The following SRF variants were observed in gnomAD, a reference collection of about 807,000 sequenced individuals.
The protein encoded by SRF is c-fos serum response element-binding transcription factor.
In SRF, 7 loss-of-function variants were observed where a neutral mutation model predicts 37.1. The observed-to-expected ratio is 0.19, with a 90% confidence interval of 0.11 to 0.35. SRF has a LOEUF of 0.35. Among genes scored for constraint, SRF ranks in the 10% least tolerant of loss-of-function variants. The probability of loss-of-function intolerance (pLI) is 1.00; values close to 1 mark genes in which losing one functional copy is unlikely to be tolerated. For missense variants in SRF, 395 were observed against 694.4 expected (o/e 0.57, Z 4.85); for synonymous variants, 285 against 310.1 (o/e 0.92, Z 0.85).
Position 43,178,419 on chromosome 6 carries a change from G to C in SRF, c.1288G>C (p.Val430Leu), listed in dbSNP as rs374097824. 6.2e-7 allele frequency: 1 copy of C among 1,614,094 alleles called. No individual in the cohort carries two copies. Among genetic ancestry groups the C allele is most frequent in the Non-Finnish European group, 8.5e-7 (1 of 1,180,036 alleles). Residue 430 changes from valine to leucine, a missense_variant, in exon 5 of 7, where the codon GTG (valine) becomes CTG (leucine). Physicochemically the swap from Val to Leu is conservative, Grantham distance 32 (BLOSUM62 1). This residue lies in a region of SRF where 232 missense variants were observed against 335.6 expected (regional missense o/e 0.69). Coordinates refer to ENST00000265354, the MANE Select transcript of SRF (RefSeq NM_003131.4). The surrounding 1 kb of genome is among the most constrained non-coding windows in gnomAD (Gnocchi z 4.3). ...GGGCCTGGGTGATGGCAGCCTCACC[G>C]TGCTGAATGCCTTCTCCCAGGCACC... ...TSGLGDGSLT[V>L]LNAFSQAPST...
rs760201969 is a variant in SRF, at chr6:43,174,103, G to C, written c.770G>C (p.Gly257Ala). 10 of 1,614,114 alleles carry C rather than the reference G, an allele frequency of 6.2e-6. No homozygotes were observed. In the East Asian group the frequency reaches 2.2e-4, roughly 36 times the overall value. The change falls in exon 2 of 7, where the codon GGG (glycine) becomes GCG (alanine). Residue 257 changes from glycine (G) to alanine (A), a missense_variant. Gly to Ala is a moderately conservative substitution (Grantham distance 60). Transcript: ENST00000265354. ...CAGGTGTCGGAGTCTGACAGCAGTG[G>C]GGAGACCAAGGTGTGTTTGGGTTGC... Reference protein sequence around the residue: ...TYQVSESDSSGETKDTLKPAF... With the variant: ...TYQVSESDSSAETKDTLKPAF...
chr6:43,181,206 T>C lies in SRF; in HGVS notation c.*2016T>C, dbSNP rs1772329146. 6.6e-6 allele frequency: 1 copy of C among 152,656 alleles called. No individual in the cohort carries two copies. The highest frequency in any genetic ancestry group is 1.5e-5 in the Non-Finnish European group (1 of 68,032). The allele number at this position is 152,656 out of a possible 1,614,324, so 9.5% of individuals were successfully genotyped here. On this transcript the variant is annotated 3_prime_UTR_variant, in exon 7 of 7. Transcript: ENST00000265354. ...TGAATCAGGCAAAGTGCTTATAATG[T>C]GTGTTGTGTGAGCGTGGCCTTGGGA...
At position 43,173,718 on chromosome 6, in the gene SRF, A is replaced by G; in HGVS notation, c.514-129A>G. 8.0e-7 allele frequency: 1 copy of G among 1,257,686 alleles called. No individual in the cohort carries two copies. The highest frequency in any genetic ancestry group is 1.1e-6 in the Non-Finnish European group (1 of 923,788). 77.9% of individuals were successfully genotyped at this position (1,257,686 alleles called of 1,614,324 possible). A position where few individuals can be genotyped will look rare whatever the true frequency, so the allele number is the denominator to read the frequency against. ...TCCTGATAGGACACCCTGCCCTCAG[A>G]GTCATTAGAGACGAAGGTCATTATG... On this transcript the variant is annotated intron_variant, in intron 1 of 6. Coordinates refer to ENST00000265354, the MANE Select transcript of SRF (RefSeq NM_003131.4). The surrounding 1 kb of genome is among the most constrained non-coding windows in gnomAD (Gnocchi z 4.2).
rs1772252902 is a variant in SRF, at chr6:43,178,859, G to A, written c.1408G>A (p.Val470Ile). ...ATCATCTGGGACAGTGCAGATCCCT[G>A]TTTCAGCAGTTCAGCTCCACCAGGT... ...TASSGTVQIPVSAVQLHQMAV... is the reference protein window; with the variant it reads ...TASSGTVQIPISAVQLHQMAV... The change falls in exon 6 of 7, where the codon GTT becomes ATT. Residue 470 changes from valine to isoleucine, a missense_variant. Coordinates refer to ENST00000265354, the MANE Select transcript of SRF (RefSeq NM_003131.4). The surrounding 1 kb of genome is among the most constrained non-coding windows in gnomAD (Gnocchi z 4.3). 6.2e-7 allele frequency: 1 copy of A among 1,614,252 alleles called. No individual in the cohort carries two copies. The highest frequency in any genetic ancestry group is 8.5e-7 in the Non-Finnish European group (1 of 1,180,038).
rs1053258725 is a variant in SRF at position 43,178,213 on chromosome 6, G to A, written c.1163-81G>A. 7 of 1,417,650 alleles carry A rather than the reference G, an allele frequency of 4.9e-6. No homozygotes were observed. The highest frequency in any genetic ancestry group is 5.7e-6 in the Non-Finnish European group (6 of 1,059,850). 87.8% of individuals were successfully genotyped at this position (1,417,650 alleles called of 1,614,324 possible). A position where few individuals can be genotyped will look rare whatever the true frequency, so the allele number is the denominator to read the frequency against. ...ACCTGGGAAATGGCAAGAGGGCTCT[G>A]GGGGCCTGGAATTCCTAGGGACGGA... On this transcript the variant is annotated intron_variant, in intron 4 of 6. Transcript: ENST00000265354. This position sits in a 1 kb window ranked among gnomAD's most constrained non-coding sequence, Gnocchi z 4.3.
At position 43,171,442 on chromosome 6, in the gene SRF, C is replaced by T. The variant is rs994876410; in HGVS notation, c.-215C>T. 8 of 347,516 alleles carry T rather than the reference C, an allele frequency of 2.3e-5. No homozygotes were observed. The highest frequency in any genetic ancestry group is 3.8e-5 in the Non-Finnish European group (8 of 212,328). The allele number at this position is 347,516 out of a possible 1,614,324, so 21.5% of individuals were successfully genotyped here. On this transcript the variant is annotated 5_prime_UTR_variant, in exon 1 of 7. Coordinates refer to ENST00000265354, the MANE Select transcript of SRF (RefSeq NM_003131.4). This position sits in a 1 kb window ranked among gnomAD's most constrained non-coding sequence, Gnocchi z 6.5. ...TAGCAGACGGACAGGGGGCGCTGCG[C>T]GCGGCCTGGGGCAACCCGGGCCACA...
chr6:43,176,086 G>T lies in SRF; in HGVS notation c.1042+119G>T. 2 of 1,401,928 alleles carry T rather than the reference G, an allele frequency of 1.4e-6. No individual in the cohort carries two copies. Among genetic ancestry groups the T allele is most frequent in the African/African-American group, 1.4e-5 (1 of 70,386 alleles). 86.8% of individuals were successfully genotyped at this position (1,401,928 alleles called of 1,614,324 possible). A position where few individuals can be genotyped will look rare whatever the true frequency, so the allele number is the denominator to read the frequency against. On this transcript the variant is annotated intron_variant, in intron 3 of 6. Transcript: ENST00000265354. This position sits in a 1 kb window ranked among gnomAD's most constrained non-coding sequence, Gnocchi z 4.0. ...TCCCTGCTCAGAAGGAAGGTGAATA[G>T]GGGCCAGAGCCTGAGCGAAGCCTCT...
chr6:43,171,302 C>CG lies in SRF; in HGVS notation c.-350dup, dbSNP rs1189387083. 6.1e-6 allele frequency: 1 copy of CG among 164,544 alleles called. No homozygotes were observed. The highest frequency in any genetic ancestry group is 6.4e-5 in the Admixed American group (1 of 15,642). The allele number at this position is 164,544 out of a possible 1,614,324, so 10.2% of individuals were successfully genotyped here. A position where few individuals can be genotyped will look rare whatever the true frequency, so the allele number is the denominator to read the frequency against. On this transcript the variant is annotated 5_prime_UTR_variant, in exon 1 of 7. The change abolishes the stop of an existing upstream ORF in the 5' untranslated region. Coordinates refer to ENST00000265354, the MANE Select transcript of SRF (RefSeq NM_003131.4). This position sits in a 1 kb window ranked among gnomAD's most constrained non-coding sequence, Gnocchi z 6.5. ...TATCTCTTTATATGGGGGGAAGGGTCGGGGGATCCCTCCGCCGCCAGCGCG... is the reference window on the plus strand; with the variant it reads ...TATCTCTTTATATGGGGGGAAGGGTCGGGGGGATCCCTCCGCCGCCAGCGCG...
chr6:43,178,534 TACACACACACACAC>T lies in SRF; in HGVS notation c.1354+55_1354+68del. 1.3e-6 allele frequency: 2 copies of T among 1,506,714 alleles called. No individual in the cohort carries two copies. The highest frequency in any genetic ancestry group is 2.3e-5 in the East Asian group (1 of 42,680). 93.3% of individuals were successfully genotyped at this position (1,506,714 alleles called of 1,614,324 possible). On this transcript the variant is annotated intron_variant, in intron 5 of 6. Coordinates refer to ENST00000265354, the MANE Select transcript of SRF (RefSeq NM_003131.4). This position sits in a 1 kb window ranked among gnomAD's most constrained non-coding sequence, Gnocchi z 4.3. ...GAAAGGAGGACCGTTTCCTTCTTTATACACACACACACACACACATACACACACATATGCACTGA... is the reference window on the plus strand; with the variant it reads ...GAAAGGAGGACCGTTTCCTTCTTTATACACATACACACACATATGCACTGA...
chr6:43,178,501 G>A lies in SRF; in HGVS notation c.1354+16G>A. The stretch of plus-strand genomic sequence containing the variant: ...CAGGAGCCAGGTGAGTAGAGGAGCA[G>A]GGCTAAGGAAAGGAGGACCGTTTCC... On this transcript the variant is annotated intron_variant, in intron 5 of 6. Coordinates refer to ENST00000265354, the MANE Select transcript of SRF (RefSeq NM_003131.4). This position sits in a 1 kb window ranked among gnomAD's most constrained non-coding sequence, Gnocchi z 4.3. The A allele has an allele frequency of 6.2e-7, 1 of 1,607,192 alleles. No homozygotes were observed. Among genetic ancestry groups the A allele is most frequent in the Non-Finnish European group, 8.5e-7 (1 of 1,174,694 alleles).
In SRF at chr6:43,176,139, C is replaced by T. The variant is rs180819797; in HGVS notation, c.1042+172C>T. On this transcript the variant is annotated intron_variant, in intron 3 of 6. Coordinates refer to ENST00000265354, the MANE Select transcript of SRF (RefSeq NM_003131.4). The surrounding 1 kb of genome is among the most constrained non-coding windows in gnomAD (Gnocchi z 4.0). ...TATCCCGTTGGCAGGCATACCTCTG[C>T]CCACTGAGACCCCTGCTGTCCTTGT... Among the ~76,000 whole-genome samples, 2 of 152,204 alleles carry T rather than the reference C, an allele frequency of 1.3e-5. No homozygotes were observed. The highest frequency in any genetic ancestry group is 1.5e-5 in the Non-Finnish European group (1 of 68,030).
rs1274542895 is a variant in SRF at position 43,172,373 on chromosome 6, C to T, written c.513+204C>T. The T allele has an allele frequency of 1.7e-5, 17 of 985,116 alleles. No homozygotes were observed. Among genetic ancestry groups the T allele is most frequent in the African/African-American group, 8.7e-5 (5 of 57,178 alleles). The allele number at this position is 985,116 out of a possible 1,614,324, so 61.0% of individuals were successfully genotyped here. On this transcript the variant is annotated intron_variant, in intron 1 of 6. Coordinates refer to ENST00000265354, the MANE Select transcript of SRF (RefSeq NM_003131.4). This position sits in a 1 kb window ranked among gnomAD's most constrained non-coding sequence, Gnocchi z 5.7. ...GTGGGGAGAGGGGAGATCCCGCGAA[C>T]GCTCGCAACCGTGGGGAAAGGCGCA...
rs1008801602 is a variant in SRF at position 43,176,129 on chromosome 6, C to A, written c.1042+162C>A. On this transcript the variant is annotated intron_variant, in intron 3 of 6. Coordinates refer to ENST00000265354, the MANE Select transcript of SRF (RefSeq NM_003131.4). This position sits in a 1 kb window ranked among gnomAD's most constrained non-coding sequence, Gnocchi z 4.0. ...AAGCCTCTTATATCCCGTTGGCAGG[C>A]ATACCTCTGCCCACTGAGACCCCTG... Among the ~76,000 whole-genome samples the A allele has an allele frequency of 2.0e-5, 3 of 152,190 alleles. No individual in the cohort carries two copies. The highest frequency in any genetic ancestry group is 2.0e-4 in the Admixed American group (3 of 15,274).
rs1772196996 is a variant in SRF, at chr6:43,176,309, G to A, written c.1043-239G>A. Among the ~76,000 whole-genome samples, 1 of 152,188 alleles carries A rather than the reference G, an allele frequency of 6.6e-6. No individual in the cohort carries two copies. The highest frequency in any genetic ancestry group is 2.4e-5 in the African/African-American group (1 of 41,446). ...TTGATGGGTTATTGCCAGCTCTTGG[G>A]TCAACTGAAGAAAAGAGAGACAAGG... On this transcript the variant is annotated intron_variant, in intron 3 of 6. Transcript: ENST00000265354. This position sits in a 1 kb window ranked among gnomAD's most constrained non-coding sequence, Gnocchi z 4.0.
At position 43,179,545 on chromosome 6, in the gene SRF, G is replaced by A; in HGVS notation, c.*355G>A. ...CACACACAGGCCTTCTGTGGGGCTG[G>A]GCACCGTGTCCTCCTCTGAGGAAGC... On this transcript the variant is annotated 3_prime_UTR_variant, in exon 7 of 7. Coordinates refer to ENST00000265354, the MANE Select transcript of SRF (RefSeq NM_003131.4). This position sits in a 1 kb window ranked among gnomAD's most constrained non-coding sequence, Gnocchi z 5.3. The A allele has an allele frequency of 3.3e-6, 1 of 305,688 alleles. No homozygotes were observed. The highest frequency in any genetic ancestry group is 3.2e-5 in the South Asian group (1 of 31,634). 18.9% of individuals were successfully genotyped at this position (305,688 alleles called of 1,614,324 possible).
rs140390001 is a variant in SRF at position 43,174,225 on chromosome 6, G to A, written c.780+112G>A. The stretch of plus-strand genomic sequence containing the variant: ...CGATGTGGAGTGGAGCCGGATTAAC[G>A]ACCCTCGTCCTAGGGGACAGGTGTC... On this transcript the variant is annotated intron_variant, in intron 2 of 6. Coordinates refer to ENST00000265354, the MANE Select transcript of SRF (RefSeq NM_003131.4). 1,277 of 1,373,820 alleles carry A rather than the reference G, an allele frequency of 9.3e-4. 3 individuals are homozygous for A. Among genetic ancestry groups the A allele is most frequent in the Non-Finnish European group, 1.1e-3 (1,141 of 1,008,500 alleles). 85.1% of individuals were successfully genotyped at this position (1,373,820 alleles called of 1,614,324 possible). A position where few individuals can be genotyped will look rare whatever the true frequency, so the allele number is the denominator to read the frequency against.
Position 43,172,246 on chromosome 6 carries a change from A to C in SRF, c.513+77A>C. 6.5e-7 allele frequency: 1 copy of C among 1,535,006 alleles called. No individual in the cohort carries two copies. Among genetic ancestry groups the C allele is most frequent in the Non-Finnish European group, 8.7e-7 (1 of 1,146,626 alleles). On this transcript the variant is annotated intron_variant, in intron 1 of 6. Coordinates refer to ENST00000265354, the MANE Select transcript of SRF (RefSeq NM_003131.4). This position sits in a 1 kb window ranked among gnomAD's most constrained non-coding sequence, Gnocchi z 5.7. ...TGCAAAGGGAGCCCGGGAGGACCGC[A>C]GAGCCGAGGCGGAGGTGAGAGGCTG...
rs1428279557 is a variant in SRF at position 43,180,424 on chromosome 6, G to C, written c.*1234G>C. On this transcript the variant is annotated 3_prime_UTR_variant, in exon 7 of 7. Coordinates refer to ENST00000265354, the MANE Select transcript of SRF (RefSeq NM_003131.4). ...GGGTGAGAGGCAGGAATGGGGGTCA[G>C]AAGAAGTGGGAGCAGCTTCTTGGGC... 2 of 152,744 alleles carry C rather than the reference G, an allele frequency of 1.3e-5. No homozygotes were observed. The allele number at this position is 152,744 out of a possible 1,614,324, so 9.5% of individuals were successfully genotyped here.
At chr6:43,177,428 C>G (rs1324523264) in intron 4 of SRF, among the ~76,000 whole-genome samples, 20 of 151,128 alleles carry the variant, frequency 1.3e-4, no homozygotes, top group African/African-American at 4.9e-4. Context: ...GACGGGGTTT[C>G]ACCTTGTTAG....
Sources: gnomAD v4.1 joint callset for allele counts (sites outside exome capture counted in the v4.1 genomes callset) on GRCh38, gnomAD v4.1.1 for gene constraint, gnomAD v4.1.1 regional missense constraint, Gnocchi (gnomAD v3.1) non-coding constraint, MANE v1.5 for transcripts, NCBI Gene and HGNC (gene_info 2026-07-23, HGNC 2026-07-21) for gene names.